Variants in CC2D2A observed in about 807,000 individuals in gnomAD.
CC2D2A encodes coiled-coil and C2 domain containing 2A.
A neutral mutation model predicts 212.9 loss-of-function variants in CC2D2A; 155 were observed. That is an observed-to-expected ratio of 0.73 (90% CI 0.64 to 0.83). The LOEUF (loss-of-function observed/expected upper bound fraction) is 0.83. Among genes scored for constraint, CC2D2A ranks in the 40% least tolerant of loss-of-function variants. The pLI, the probability that CC2D2A is intolerant of heterozygous loss-of-function variation, is 0.00. For synonymous variants in CC2D2A, 667 were observed against 686.5 expected, an observed-to-expected ratio of 0.97 and a Z score of 0.44; for missense variants, 1,856 against 1,956.2, an observed-to-expected ratio of 0.95 and a Z score of 0.97.
chr4:15,572,689 A>AT (rs563049413), intron 28 of CC2D2A, among the ~76,000 whole-genome samples: 9 of 151,522 alleles, frequency 5.9e-5, no homozygotes, highest in Admixed American at 5.9e-4. Flanking sequence ...AATAGGATAG[A>AT]TATATATATA....
At chr4:15,525,715 A>G (rs1268285389) in intron 11 of CC2D2A, among the ~76,000 whole-genome samples, 1 of 152,234 alleles carries the variant, frequency 6.6e-6, no homozygotes, top group East Asian at 1.9e-4. Context: ...TACTGTGTTC[A>G]TAATAGTTCT....
chr4:15,485,337 C>T (rs1001309190), intron 4 of CC2D2A, among the ~76,000 whole-genome samples: 9 of 152,178 alleles, frequency 5.9e-5, no homozygotes, highest in African/African-American at 2.2e-4. Flanking sequence ...GAATAATATT[C>T]CATTGTGTAT....
intron 4 of CC2D2A, among the ~76,000 whole-genome samples, chr4:15,499,510 T>G (rs1459303695): frequency 2.6e-5 from 4 of 152,210 alleles, no homozygotes; most frequent in African/African-American, 9.6e-5. Flanking sequence ...TCAAAAATTG[T>G]CAATGTTTTT....
intron 28 of CC2D2A, among the ~76,000 whole-genome samples, chr4:15,573,482 A>G (rs1051506088): frequency 4.6e-5 from 7 of 152,046 alleles, no homozygotes; most frequent in Non-Finnish European, 5.9e-5. Flanking sequence ...GTAAAGATGG[A>G]GTTTCACCTT....
In CC2D2A at chr4:15,533,381, G is replaced by GA. The variant is rs1177095483; in HGVS notation, c.1607+53dup. The GA allele has an allele frequency of 3.8e-6, 5 of 1,303,824 alleles. No individual in the cohort carries two copies. In the East Asian group the frequency reaches 1.3e-4, roughly 35 times the overall value. The allele number at this position is 1,303,824 out of a possible 1,614,324, so 80.8% of individuals were successfully genotyped here. A position where few individuals can be genotyped will look rare whatever the true frequency, so the allele number is the denominator to read the frequency against. On this transcript the variant is annotated intron_variant, in intron 14 of 36. Coordinates refer to ENST00000424120, the MANE Select transcript of CC2D2A (RefSeq NM_001378615.1). ...TTTATTGGGCTATATCATACATTAAGAAAAATGTATAAAACATGGATACAG... is the reference window on the plus strand; with the variant it reads ...TTTATTGGGCTATATCATACATTAAGAAAAAATGTATAAAACATGGATACAG...
At chr4:15,567,571 T>G in intron 25 of CC2D2A, 89 bp downstream of exon 25, 1 of 1,354,248 alleles carries the variant, frequency 7.4e-7, no homozygotes, top group South Asian at 1.3e-5. Context: ...GCTCTCTGCT[T>G]CATTTTCTTT....
At chr4:15,482,799 A>G (rs1349266525) in intron 4 of CC2D2A, among the ~76,000 whole-genome samples, 2 of 152,220 alleles carry the variant, frequency 1.3e-5, no homozygotes, top group Non-Finnish European at 2.9e-5. Flanking sequence ...AGGCTCTGTG[A>G]CATAAAAAGT....
intron 29 of CC2D2A, 32 bp from the exon 30 acceptor site, chr4:15,579,936 A>C: frequency 6.5e-7 from 1 of 1,546,466 alleles, no homozygotes; most frequent in Non-Finnish European, 8.9e-7. Flanking sequence ...TTGTAATCAT[A>C]CATAAACTCC....
Position 15,555,176 on chromosome 4 carries a change from AC to A in CC2D2A, c.2595del (p.Asn866ThrfsTer5). On this transcript the variant is annotated frameshift_variant, in exon 20 of 37. Transcript: ENST00000424120. LOFTEE classifies it high-confidence loss of function. ...WAAESKLDPNDPNNAPLMQLI... is the reference protein window; with the variant it reads ...WAAESKLDPNXPNNAPLMQLI... ...GCAGAGTCCAAGCTCGACCCAAATG[AC>A]CCCAACAATGCCCCTTTGATGCAGC... 6.2e-7 allele frequency: 1 copy of A among 1,613,820 alleles called. No homozygotes were observed. The highest frequency in any genetic ancestry group is 8.5e-7 in the Non-Finnish European group (1 of 1,179,822).
chr4:15,548,195 G>A (rs990147888), intron 17 of CC2D2A, among the ~76,000 whole-genome samples: 1 of 149,844 alleles, frequency 6.7e-6, no homozygotes, highest in African/African-American at 2.5e-5. Context: ...TATCTCCTGA[G>A]ACAGTAACAC....
At chr4:15,476,864 G>C (rs1380522932) in intron 2 of CC2D2A, among the ~76,000 whole-genome samples, 3 of 152,192 alleles carry the variant, frequency 2.0e-5, no homozygotes, top group Admixed American at 2.0e-4. Context: ...AAAAGAGAGA[G>C]TATTCCTCTC....
At chr4:15,599,469 A>G in intron 35 of CC2D2A, 60 bp from the exon 36 acceptor site, 2 of 1,147,364 alleles carry the variant, frequency 1.7e-6, no homozygotes, top group South Asian at 1.7e-5. Flanking sequence ...CATACTACAT[A>G]CATTTTTTAA....
intron 14 of CC2D2A, among the ~76,000 whole-genome samples, chr4:15,535,238 G>C (rs1418542170): frequency 6.6e-6 from 1 of 152,088 alleles, no homozygotes; most frequent in Non-Finnish European, 1.5e-5. Flanking sequence ...GCCTCCCACA[G>C]AAGCAGTACA....
chr4:15,540,740 C>A, intron 16 of CC2D2A, 97 bp from the exon 17 acceptor site: 3 of 1,103,578 alleles, frequency 2.7e-6, no homozygotes, highest in South Asian at 1.5e-5. Context: ...GAGTTGCCTG[C>A]AGTGTGTCTT....
chr4:15,582,458 T>C (rs1720701988), intron 30 of CC2D2A, among the ~76,000 whole-genome samples: 1 of 151,840 alleles, frequency 6.6e-6, no homozygotes. Flanking sequence ...AACAAACCTT[T>C]AGCTGGAATA....
At chr4:15,527,333 T>C in intron 11 of CC2D2A, 114 bp from the exon 12 acceptor site, 1 of 648,990 alleles carries the variant, frequency 1.5e-6, no homozygotes, top group South Asian at 2.5e-5. Context: ...TTCACCTGAC[T>C]AGTCCAGGAT....
chr4:15,545,172 T>G (rs1000319045), intron 17 of CC2D2A, among the ~76,000 whole-genome samples: 5 of 152,196 alleles, frequency 3.3e-5, no homozygotes, highest in African/African-American at 1.2e-4. Flanking sequence ...GATTGCTAGA[T>G]TTAAACTAGG....
At chr4:15,593,886 A>G (rs948632853) in intron 33 of CC2D2A, among the ~76,000 whole-genome samples, 1 of 152,170 alleles carries the variant, frequency 6.6e-6, no homozygotes, top group South Asian at 2.1e-4. Context: ...TCTAGTCTCA[A>G]AACAGCACAG....
At chr4:15,503,957 G>A (rs1323343997) in intron 6 of CC2D2A, among the ~76,000 whole-genome samples, 5 of 152,164 alleles carry the variant, frequency 3.3e-5, no homozygotes, top group Non-Finnish European at 7.3e-5. Flanking sequence ...AGGGGTAAGC[G>A]CTAAGACGGC....
Sources: allele counts gnomAD v4.1 joint callset (sites outside exome capture counted in the v4.1 genomes callset), GRCh38; gene constraint gnomAD v4.1.1; transcripts MANE v1.5; gene names NCBI Gene and HGNC (gene_info 2026-07-23, HGNC 2026-07-21).